CLIC5: variants seen among roughly 807,000 people sequenced by gnomAD.
CLIC5 encodes CLIC family member 5, also known as chloride intracellular channel protein 5.
In CLIC5, 20 loss-of-function variants were observed where a neutral mutation model predicts 24.7. The observed-to-expected ratio is 0.81, with a 90% CI of 0.57 to 1.18. CLIC5 has a LOEUF of 1.18. Ranked by LOEUF, CLIC5 falls within the 50% of genes most tolerant of loss-of-function variation. The pLI, the probability that CLIC5 is intolerant of heterozygous loss-of-function variation, is 0.00. For missense variants in CLIC5, 341 were observed against 326.1 expected (o/e 1.05, Z -0.35); for synonymous variants, 159 against 135.6 (o/e 1.17, Z -1.20).
At chr6:45,881,961 GA>G (rs1762266468) in intron 6 of CLIC5, among the ~76,000 whole-genome samples, 1 of 117,488 alleles carries the variant, frequency 8.5e-6, no homozygotes, top group Admixed American at 1.0e-4. Context: ...TACATAGTCA[GA>G]GAAAGAAGAC....
chr6:45,991,533 C>T (rs568822111), intron 1 of CLIC5, among the ~76,000 whole-genome samples: 3 of 152,330 alleles, frequency 2.0e-5, no homozygotes, highest in East Asian at 1.9e-4. Flanking sequence ...AGATTCCTGA[C>T]ACGTAGAAAC....
intron 1 of CLIC5, among the ~76,000 whole-genome samples, chr6:45,985,388 G>A (rs779525159): frequency 5.9e-5 from 9 of 152,344 alleles, no homozygotes; most frequent in Non-Finnish European, 1.0e-4. Flanking sequence ...AGAGCAGGAA[G>A]TATGTGTATT....
At chr6:45,946,497 G>A (rs1262829513) in intron 3 of CLIC5, among the ~76,000 whole-genome samples, 1 of 152,190 alleles carries the variant, frequency 6.6e-6, no homozygotes, top group Non-Finnish European at 1.5e-5. Flanking sequence ...GTTGGCTTTT[G>A]GCAGCTTTTA....
intron 2 of CLIC5, among the ~76,000 whole-genome samples, chr6:45,951,245 T>G (rs1346374009): frequency 1.3e-5 from 2 of 152,124 alleles, no homozygotes; most frequent in African/African-American, 4.8e-5. Flanking sequence ...TTCTCCCCCC[T>G]GGGAAAGAGG....
chr6:45,941,979 A>G (rs1270265570), intron 3 of CLIC5, among the ~76,000 whole-genome samples: 1 of 152,168 alleles, frequency 6.6e-6, no homozygotes, highest in Non-Finnish European at 1.5e-5. Context: ...TGGCGCAATC[A>G]AAGTTCCCTC....
chr6:45,907,319 G>A (rs140463609), intron 5 of CLIC5, among the ~76,000 whole-genome samples: 40 of 152,258 alleles, frequency 2.6e-4, no homozygotes, highest in Middle Eastern at 6.8e-3. Context: ...TTTATGTGGC[G>A]AATAACATTT....
intron 1 of CLIC5, among the ~76,000 whole-genome samples, chr6:45,970,108 G>A (rs966910752): frequency 6.6e-6 from 1 of 152,096 alleles, no homozygotes; most frequent in African/African-American, 2.4e-5. Flanking sequence ...CACATTAAAG[G>A]TCACAGGTCT....
chr6:45,938,231 A>T (rs1299009065), intron 4 of CLIC5, among the ~76,000 whole-genome samples: 1 of 152,214 alleles, frequency 6.6e-6, no homozygotes, highest in Non-Finnish European at 1.5e-5. Context: ...CAGAGCAGAA[A>T]GGGGATGGAC....
At position 46,006,089 on chromosome 6, in the gene CLIC5, AATACATATATAT is replaced by A. The variant is rs56718157; in HGVS notation, c.63+9379_63+9390del. On this transcript the variant is annotated intron_variant, in intron 1 of 5. Transcript: ENST00000339561. ...ATAAATATATATATACACATGTATA[AATACATATATAT>A]ATATATATATACACATGTATAAATA... Among the ~76,000 whole-genome samples the A allele has an allele frequency of 3.6e-3, 193 of 53,380 alleles. 2 individuals carry two copies. Among genetic ancestry groups the A allele is most frequent in the African/African-American group, 0.014 (171 of 11,976 alleles). The allele number at this position is 53,380 out of a possible 152,430, so 35.0% of individuals were successfully genotyped here.
chr6:45,884,499 C>T (rs1014954595), intron 6 of CLIC5, among the ~76,000 whole-genome samples: 2 of 152,204 alleles, frequency 1.3e-5, no homozygotes, highest in South Asian at 2.1e-4. Flanking sequence ...AGACAATTCT[C>T]CTGGGCAGCC....
At chr6:45,904,765 G>A (rs1292518594) in intron 5 of CLIC5, among the ~76,000 whole-genome samples, 1 of 148,022 alleles carries the variant, frequency 6.8e-6, no homozygotes, top group Non-Finnish European at 1.5e-5. Flanking sequence ...GGGGATACAA[G>A]GGGGTACATG....
the CLIC5 span, among the ~76,000 whole-genome samples, chr6:46,117,578 C>G: frequency 6.6e-6 from 1 of 152,156 alleles, no homozygotes. Context: ...AAAAAGAATT[C>G]TTTTAATCAC....
the CLIC5 span, among the ~76,000 whole-genome samples, chr6:46,103,510 T>C: frequency 6.6e-6 from 1 of 152,156 alleles, no homozygotes; most frequent in Non-Finnish European, 1.5e-5. Context: ...CCTGTGAAGT[T>C]TTATTTATAT....
intron 6 of CLIC5, among the ~76,000 whole-genome samples, chr6:45,884,832 T>G (rs59408503): frequency 0.011 from 1,670 of 152,104 alleles, 36 homozygotes; most frequent in African/African-American, 0.037. Context: ...AACAAAATTT[T>G]GGGGAGAGAG....
At chr6:46,012,337 C>G (rs890992490) in intron 1 of CLIC5, among the ~76,000 whole-genome samples, 7 of 152,210 alleles carry the variant, frequency 4.6e-5, no homozygotes, top group Admixed American at 2.0e-4. Flanking sequence ...ATCTCCAAAT[C>G]CCTGCGCCAT....
intron 4 of CLIC5, among the ~76,000 whole-genome samples, chr6:45,927,839 T>C (rs1193346685): frequency 6.6e-6 from 1 of 152,166 alleles, no homozygotes; most frequent in Non-Finnish European, 1.5e-5. Context: ...AAACTTCTGC[T>C]TGTTTTTCTC....
the CLIC5 span, among the ~76,000 whole-genome samples, chr6:46,114,669 G>T: frequency 6.6e-6 from 1 of 152,102 alleles, no homozygotes; most frequent in Admixed American, 6.5e-5. Flanking sequence ...GCATCAATCT[G>T]CCTATTCTAA....
intron 1 of CLIC5, among the ~76,000 whole-genome samples, chr6:46,056,681 T>C (rs1768265122): frequency 6.6e-6 from 1 of 152,172 alleles, no homozygotes; most frequent in East Asian, 1.9e-4. Context: ...ATGTTAATTA[T>C]TTACTGGGAT....
chr6:45,886,609 C>T (rs911214818), intron 6 of CLIC5, among the ~76,000 whole-genome samples: 3 of 152,150 alleles, frequency 2.0e-5, no homozygotes, highest in Non-Finnish European at 4.4e-5. Context: ...ATGCCAAATC[C>T]GTGATCACCT....
Sources: allele counts gnomAD v4.1 joint callset (sites outside exome capture counted in the v4.1 genomes callset), GRCh38; gene constraint gnomAD v4.1.1; transcripts MANE v1.5; gene names NCBI Gene and HGNC (gene_info 2026-07-23, HGNC 2026-07-21).